Variants in SYCP2 observed in about 807,000 individuals in gnomAD.
The protein encoded by SYCP2 is synaptonemal complex lateral element protein.
SYCP2 carries 55 observed loss-of-function variants against 211.3 expected under a neutral mutation model. That is an observed-to-expected ratio of 0.26 (90% CI 0.21 to 0.33). The LOEUF (loss-of-function observed/expected upper bound fraction) is 0.33. Among genes scored for constraint, SYCP2 ranks in the 10% least tolerant of loss-of-function variants. SYCP2 has a pLI of 1.00. For synonymous variants in SYCP2, 570 were observed against 555.2 expected, an observed-to-expected ratio of 1.03 and a Z score of -0.37; for missense variants, 1,731 against 1,752.0, an observed-to-expected ratio of 0.99 and a Z score of 0.21.
intron 25 of SYCP2, 38 bp from the exon 26 acceptor site, chr20:59,886,002 T>A (rs931261215): frequency 6.9e-7 from 1 of 1,455,480 alleles, no homozygotes; most frequent in Non-Finnish European, 9.6e-7. Context: ...AAAAAGCAAA[T>A]CAGTATCAAT....
At chr20:59,899,901 TA>T (rs2060082485) in intron 18 of SYCP2, among the ~76,000 whole-genome samples, 1 of 152,200 alleles carries the variant, frequency 6.6e-6, no homozygotes, top group Non-Finnish European at 1.5e-5. Context: ...TATCTATCTC[TA>T]ATCTGCAATT....
chr20:59,922,227 T>A (rs894577767), intron 3 of SYCP2, among the ~76,000 whole-genome samples, 163 bp downstream of exon 3: 1 of 151,604 alleles, frequency 6.6e-6, no homozygotes, highest in African/African-American at 2.4e-5. Flanking sequence ...TTTGCAAACA[T>A]CTAATGAATA....
At chr20:59,880,525 G>A in intron 30 of SYCP2, 54 bp from the exon 31 acceptor site, 1 of 1,105,292 alleles carries the variant, frequency 9.0e-7, no homozygotes, top group Non-Finnish European at 1.3e-6. Context: ...ATTATGTCAT[G>A]CAAGGTAAGT....
chr20:59,877,805 A>G (rs757514763), intron 32 of SYCP2, among the ~76,000 whole-genome samples: 2 of 152,178 alleles, frequency 1.3e-5, no homozygotes, highest in Non-Finnish European at 2.9e-5. Flanking sequence ...AAAGATTTTA[A>G]AAATACCTAA....
At position 59,895,012 on chromosome 20, in the gene SYCP2, T is replaced by C. The variant is rs563281749; in HGVS notation, c.1665+425A>G. ...TTAGGCACTTGACCCTCTAACTTGGTTCCTACTGCATCCTATATGTGTAAA... is the reference window on the plus strand; with the variant it reads ...TTAGGCACTTGACCCTCTAACTTGGCTCCTACTGCATCCTATATGTGTAAA... On this transcript the variant is annotated intron_variant, in intron 20 of 44. Transcript: ENST00000357552. 4.6e-5 allele frequency among the ~76,000 whole-genome samples: 7 copies of C among 152,178 alleles called. No individual in the cohort carries two copies. The East Asian group carries it at 1.3e-3, about 29-fold the overall frequency.
chr20:59,920,551 C>CA, intron 4 of SYCP2, 64 bp from the exon 5 acceptor site: 1 of 1,295,172 alleles, frequency 7.7e-7, no homozygotes, highest in South Asian at 1.3e-5. Context: ...AGACATTGTA[C>CA]AAGGAGTGTT....
chr20:59,877,887 G>C (rs1204309607), intron 32 of SYCP2, 121 bp downstream of exon 32: 2 of 750,230 alleles, frequency 2.7e-6, no homozygotes, highest in Non-Finnish European at 4.4e-6. Context: ...GCAAAAGAAG[G>C]AAGAGGTACA....
intron 4 of SYCP2, among the ~76,000 whole-genome samples, chr20:59,920,864 T>C (rs1304421225): frequency 2.0e-5 from 3 of 151,656 alleles, no homozygotes; most frequent in African/African-American, 7.2e-5. Flanking sequence ...GGATTATCAA[T>C]AATCACCTTT....
chr20:59,911,836 G>A lies in SYCP2; in HGVS notation c.886C>T (p.Pro296Ser). The change falls in exon 14 of 45, where the codon CCA becomes TCA. Residue 296 changes from proline (P) to serine (S), a missense_variant. Around this residue, in one of 3 missense-constraint regions of SYCP2, gnomAD observed 335 missense variants for 378.8 expected, o/e 0.88. Coordinates refer to ENST00000357552, the MANE Select transcript of SYCP2 (RefSeq NM_014258.4). ...AFLDKYELQIPSDEKLEEFWI... is the reference protein window; with the variant it reads ...AFLDKYELQISSDEKLEEFWI... The stretch of plus-strand genomic sequence containing the variant: ...AATTCCTCAAGTTTTTCATCTGATG[G>A]TATTTGCAGCTAATAAAATAAACAT... 1.3e-6 allele frequency: 2 copies of A among 1,559,384 alleles called. No individual in the cohort carries two copies. The highest frequency in any genetic ancestry group is 1.8e-6 in the Non-Finnish European group (2 of 1,141,774).
In SYCP2 at chr20:59,885,967, G is replaced by A. The variant is rs942911370; in HGVS notation, c.2493-3C>T. On this transcript the variant is annotated splice_region_variant and splice_polypyrimidine_tract_variant and intron_variant, in intron 25 of 44. Transcript: ENST00000357552. The stretch of plus-strand genomic sequence containing the variant: ...CAACAGGTTTGTTTGAAAAACCACT[G>A]TAAAAAAAGATTTTGTCAAAATTGA... 1 of 1,595,716 alleles carries A rather than the reference G, an allele frequency of 6.3e-7. No individual in the cohort carries two copies. Among genetic ancestry groups the A allele is most frequent in the Non-Finnish European group, 8.5e-7 (1 of 1,172,002 alleles).
Position 59,907,351 on chromosome 20 carries a change from A to C in SYCP2, c.1033+13T>G, listed in dbSNP as rs763432107. ...GAATTAAGAAAATTATTAGAAAAAA[A>C]CAAGTTTAATACCTTCAATGCTGTA... is the stretch of plus-strand genomic sequence containing the variant. On this transcript the variant is annotated intron_variant, in intron 15 of 44. Coordinates refer to ENST00000357552, the MANE Select transcript of SYCP2 (RefSeq NM_014258.4). 4 of 1,561,512 alleles carry C rather than the reference A, an allele frequency of 2.6e-6. No homozygotes were observed. In the African/African-American group the frequency reaches 4.1e-5, roughly 16 times the overall value.
chr20:59,895,297 G>A, intron 20 of SYCP2, 140 bp downstream of exon 20: 1 of 638,244 alleles, frequency 1.6e-6, no homozygotes, highest in Non-Finnish European at 2.5e-6. Flanking sequence ...CTACTTTCAA[G>A]GGCAATAAAT....
intron 34 of SYCP2, among the ~76,000 whole-genome samples, chr20:59,874,879 T>C (rs976770152): frequency 7.2e-5 from 11 of 152,018 alleles, no homozygotes; most frequent in African/African-American, 1.7e-4. Context: ...ATGAGCAAGA[T>C]ATTCTTTGGA....
chr20:59,912,057 T>C, intron 13 of SYCP2: 1 of 414,614 alleles, frequency 2.4e-6, no homozygotes. Flanking sequence ...TCCAAGAAAT[T>C]ATGAATATTC....
chr20:59,915,312 G>C, intron 9 of SYCP2, 113 bp from the exon 10 acceptor site: 1 of 1,019,564 alleles, frequency 9.8e-7, no homozygotes, highest in Non-Finnish European at 1.5e-6. Context: ...TAATATCATC[G>C]ACTTTTGCAG....
At chr20:59,868,305 C>T in intron 38 of SYCP2, 108 bp downstream of exon 38, 1 of 1,116,890 alleles carries the variant, frequency 9.0e-7, no homozygotes, top group African/African-American at 1.6e-5. Flanking sequence ...CCATCTTGGA[C>T]ATATCCAAAG....
intron 14 of SYCP2, among the ~76,000 whole-genome samples, chr20:59,910,388 T>A (rs943971928): frequency 7.3e-6 from 1 of 136,828 alleles, no homozygotes; most frequent in African/African-American, 2.9e-5. Flanking sequence ...TTTTTTTTTT[T>A]TTTTTTTTTT....
At position 59,916,586 on chromosome 20, in the gene SYCP2, TA is replaced by T; in HGVS notation, c.428-16del. ...TTGTTTTTTACCTGAATAAAAGTGTTAAATTATTGATAAATGTTCATTTCAA... is the reference window on the plus strand; with the variant it reads ...TTGTTTTTTACCTGAATAAAAGTGTTAATTATTGATAAATGTTCATTTCAA... On this transcript the variant is annotated splice_polypyrimidine_tract_variant and intron_variant, in intron 7 of 44. Coordinates refer to ENST00000357552, the MANE Select transcript of SYCP2 (RefSeq NM_014258.4). 2 of 1,496,434 alleles carry T rather than the reference TA, an allele frequency of 1.3e-6. No homozygotes were observed. The highest frequency in any genetic ancestry group is 9.3e-7 in the Non-Finnish European group (1 of 1,073,382). The allele number at this position is 1,496,434 out of a possible 1,614,324, so 92.7% of individuals were successfully genotyped here.
intron 31 of SYCP2, 67 bp downstream of exon 31, chr20:59,880,236 G>A: frequency 1.6e-6 from 2 of 1,269,866 alleles, no homozygotes; most frequent in Non-Finnish European, 2.2e-6. Context: ...CTTATATAAA[G>A]CATTTTCAAT....
Sources: gnomAD v4.1 joint callset for allele counts (sites outside exome capture counted in the v4.1 genomes callset) on GRCh38, gnomAD v4.1.1 for gene constraint, gnomAD v4.1.1 regional missense constraint, MANE v1.5 for transcripts, NCBI Gene and HGNC (gene_info 2026-07-23, HGNC 2026-07-21) for gene names.